The following PDE4D variants were observed in gnomAD, a reference collection of about 807,000 sequenced individuals.
PDE4D encodes phosphodiesterase 4D.
A neutral mutation model predicts 87.4 loss-of-function variants in PDE4D; 24 were observed. The observed-to-expected ratio is 0.27, with a 90% CI of 0.20 to 0.39. PDE4D has a LOEUF of 0.39. PDE4D is among the 10% of genes least tolerant of loss of function. The probability of loss-of-function intolerance (pLI) is 1.00; values close to 1 mark genes in which losing one functional copy is unlikely to be tolerated. For missense variants in PDE4D, 714 were observed against 1,041.0 expected (o/e 0.69, Z 4.32); for synonymous variants, 384 against 383.2 (o/e 1.00, Z -0.02).
intron 1 of PDE4D, chr5:59,276,139 A>AAAAAG (rs1561864097): frequency 2.0e-6 from 2 of 982,604 alleles, no homozygotes; most frequent in African/African-American, 3.5e-5. Context: ...AAAAAAAAAA[A>AAAAAG]AAAAGAAAAG....
chr5:59,713,907 T>G (rs1754591656), intron 1 of PDE4D, among the ~76,000 whole-genome samples: 1 of 152,168 alleles, frequency 6.6e-6, no homozygotes, highest in Admixed American at 6.5e-5. Flanking sequence ...GCAGGGTGCC[T>G]GGAGGCCCAG....
chr5:59,984,386 C>T (rs181226710), intron 3 of PDE4D, among the ~76,000 whole-genome samples: 7 of 152,294 alleles, frequency 4.6e-5, no homozygotes, highest in Admixed American at 4.6e-4. Context: ...AGCCTGAATT[C>T]GCCTACCCTG....
intron 3 of PDE4D, among the ~76,000 whole-genome samples, chr5:59,944,938 C>A (rs1056079931): frequency 6.6e-6 from 1 of 152,136 alleles, no homozygotes; most frequent in African/African-American, 2.4e-5. Context: ...CCAAATCTCA[C>A]AAAGAATATA....
At chr5:59,854,147 A>C (rs1052882678) in intron 1 of PDE4D, among the ~76,000 whole-genome samples, 1 of 152,082 alleles carries the variant, frequency 6.6e-6, no homozygotes, top group Admixed American at 6.6e-5. Flanking sequence ...ATGAAAGCAG[A>C]TCCTTTTCTC....
intron 1 of PDE4D, among the ~76,000 whole-genome samples, chr5:59,541,946 C>A (rs935582115): frequency 6.6e-6 from 1 of 152,134 alleles, no homozygotes; most frequent in African/African-American, 2.4e-5. Context: ...TCCCTGAGAT[C>A]TACTTCATGG....
chr5:59,334,410 C>T (rs1446944605), intron 1 of PDE4D, among the ~76,000 whole-genome samples: 2 of 151,822 alleles, frequency 1.3e-5, no homozygotes, highest in Admixed American at 6.6e-5. Flanking sequence ...AGGAACCTGC[C>T]ATTATGCCTG....
At chr5:60,308,821 A>C (rs1269133612) in intron 1 of PDE4D, among the ~76,000 whole-genome samples, 1 of 152,172 alleles carries the variant, frequency 6.6e-6, no homozygotes, top group Non-Finnish European at 1.5e-5. Flanking sequence ...TTCGAATTTG[A>C]AAATCCTCCC....
intron 1 of PDE4D, among the ~76,000 whole-genome samples, chr5:59,747,430 C>G (rs1300308120): frequency 6.6e-6 from 1 of 152,130 alleles, no homozygotes; most frequent in African/African-American, 2.4e-5. Flanking sequence ...TTGTTGTGGC[C>G]TAAGCAGTCA....
At chr5:60,388,008 C>T (rs972581381) in intron 1 of PDE4D, among the ~76,000 whole-genome samples, 7 of 152,136 alleles carry the variant, frequency 4.6e-5, no homozygotes, top group African/African-American at 1.2e-4. Context: ...TCACAGAACT[C>T]AGGGGAACAC....
intron 1 of PDE4D, among the ~76,000 whole-genome samples, chr5:59,684,916 T>C (rs1749603586): frequency 6.6e-6 from 1 of 152,190 alleles, no homozygotes; most frequent in Non-Finnish European, 1.5e-5. Context: ...AGAGTCAAAC[T>C]TGGATCATGC....
chr5:59,316,367 A>C (rs951023473), intron 1 of PDE4D, among the ~76,000 whole-genome samples: 2 of 152,094 alleles, frequency 1.3e-5, no homozygotes, highest in Non-Finnish European at 2.9e-5. Context: ...TGAACATAGA[A>C]CTTTTTTTTT....
intron 1 of PDE4D, among the ~76,000 whole-genome samples, chr5:60,448,156 G>A (rs899978925): frequency 6.6e-6 from 1 of 152,012 alleles, no homozygotes; most frequent in Non-Finnish European, 1.5e-5. Flanking sequence ...AATAATGAAT[G>A]ATATTTTGTT....
At chr5:59,718,591 C>T (rs185236356) in intron 1 of PDE4D, among the ~76,000 whole-genome samples, 25 of 152,186 alleles carry the variant, frequency 1.6e-4, no homozygotes, top group African/African-American at 5.3e-4. Context: ...CTTCAGGGCC[C>T]TCATAAAAGG....
chr5:58,978,050 G>A (rs866348214), intron 11 of PDE4D, among the ~76,000 whole-genome samples: 1 of 152,114 alleles, frequency 6.6e-6, no homozygotes, highest in African/African-American at 2.4e-5. Flanking sequence ...GTGAATTTTA[G>A]GCAGGGAGAG....
At chr5:59,681,277 T>C (rs1181672051) in intron 1 of PDE4D, among the ~76,000 whole-genome samples, 3 of 152,126 alleles carry the variant, frequency 2.0e-5, no homozygotes, top group Non-Finnish European at 2.9e-5. Flanking sequence ...AGGATTAAGA[T>C]AAATAATGAT....
At chr5:60,216,620 A>G (rs1743876430) in intron 1 of PDE4D, among the ~76,000 whole-genome samples, 1 of 152,156 alleles carries the variant, frequency 6.6e-6, no homozygotes, top group African/African-American at 2.4e-5. Flanking sequence ...GTAAAGAGTT[A>G]ACCAAAAGAG....
chr5:60,335,314 G>C (rs1466481790), intron 1 of PDE4D, among the ~76,000 whole-genome samples: 2 of 152,194 alleles, frequency 1.3e-5, no homozygotes, highest in African/African-American at 4.8e-5. Context: ...GTGAGAGCAG[G>C]CTCAGTGAAG....
intron 1 of PDE4D, chr5:60,487,774 G>T (rs1433947241): frequency 6.6e-6 from 1 of 152,176 alleles, no homozygotes; most frequent in Non-Finnish European, 1.5e-5. Context: ...GAATAACCCT[G>T]CCAGTTCTTA....
chr5:60,251,508 C>A (rs763000695), intron 1 of PDE4D, among the ~76,000 whole-genome samples: 2 of 151,952 alleles, frequency 1.3e-5, no homozygotes, highest in Non-Finnish European at 2.9e-5. Flanking sequence ...TGGCTTCCAG[C>A]TCCATCTATA....
Sources: gnomAD v4.1 joint callset for allele counts (sites outside exome capture counted in the v4.1 genomes callset) on GRCh38, gnomAD v4.1.1 for gene constraint, MANE v1.5 for transcripts, NCBI Gene and HGNC (gene_info 2026-07-23, HGNC 2026-07-21) for gene names.